The following PTK2B variants were observed in gnomAD, a reference collection of about 807,000 sequenced individuals.
The protein encoded by PTK2B is protein-tyrosine kinase 2-beta.
A neutral mutation model predicts 142.9 loss-of-function variants in PTK2B; 71 were observed. The observed-to-expected ratio is 0.50, with a 90% confidence interval of 0.41 to 0.61. PTK2B has a LOEUF of 0.61. PTK2B is among the 20% of genes least tolerant of loss of function. The probability of loss-of-function intolerance (pLI) is 0.00; values close to 1 mark genes in which losing one functional copy is unlikely to be tolerated. For synonymous variants in PTK2B, 519 were observed against 503.4 expected (o/e 1.03, Z -0.42); for missense variants, 1,105 against 1,320.4 (o/e 0.84, Z 2.53).
chr8:27,325,246 G>A (rs1803341566), upstream of PTK2B: 1 of 152,124 alleles, frequency 6.6e-6, no homozygotes, highest in Non-Finnish European at 1.5e-5. Context: ...ACACCTTTTG[G>A]CCTCCAAAAG....
chr8:27,311,210 G>T (rs765087352), upstream of PTK2B: 21 of 1,586,688 alleles, frequency 1.3e-5, no homozygotes, highest in Non-Finnish European at 1.6e-5. Context: ...GGAAGGCCCG[G>T]GGGACACGTC....
At chr8:27,456,405 G>A (rs752701079) in intron 30 of PTK2B, among the ~76,000 whole-genome samples, 1 of 152,110 alleles carries the variant, frequency 6.6e-6, no homozygotes, top group East Asian at 1.9e-4. Flanking sequence ...GGTGATCAGC[G>A]ATGTTAGTAT....
intron 2 of PTK2B, among the ~76,000 whole-genome samples, chr8:27,404,505 C>A (rs1433265929): frequency 6.6e-6 from 1 of 152,174 alleles, no homozygotes; most frequent in Non-Finnish European, 1.5e-5. Flanking sequence ...CCCTCCCCAC[C>A]CAGTCTGGAT....
intron 1 of PTK2B, among the ~76,000 whole-genome samples, chr8:27,353,767 T>C (rs1805238485): frequency 6.6e-6 from 1 of 152,330 alleles, no homozygotes. Flanking sequence ...ATCAGTCACT[T>C]AGACCTGACT....
chr8:27,458,521 G>A lies in PTK2B; in HGVS notation c.*12G>A, dbSNP rs897950375. 2.6e-6 allele frequency: 4 copies of A among 1,555,602 alleles called. No individual in the cohort carries two copies. Among genetic ancestry groups the A allele is most frequent in the Admixed American group, 3.9e-5 (2 of 51,662 alleles). ...CACCTGCAGAGTGACGGAGGGTGGGGGCCACCTGCCTGCGTCTTCCGCCCC... is the reference window on the plus strand; with the variant it reads ...CACCTGCAGAGTGACGGAGGGTGGGAGCCACCTGCCTGCGTCTTCCGCCCC... On this transcript the variant is annotated 3_prime_UTR_variant, in exon 31 of 31. Coordinates refer to ENST00000346049, the MANE Select transcript of PTK2B (RefSeq NM_173176.3).
At chr8:27,338,593 G>A (rs992252127) in intron 1 of PTK2B, among the ~76,000 whole-genome samples, 1 of 152,200 alleles carries the variant, frequency 6.6e-6, no homozygotes, top group Non-Finnish European at 1.5e-5. Context: ...CTATATTATA[G>A]TATGGTGGTT....
intron 3 of PTK2B, among the ~76,000 whole-genome samples, chr8:27,316,166 C>T (rs887019682): frequency 5.3e-5 from 8 of 152,212 alleles, no homozygotes; most frequent in African/African-American, 1.9e-4. Context: ...CTCCCAAATG[C>T]CCTGCCAAGC....
At chr8:27,366,834 G>A (rs1483509541) in intron 1 of PTK2B, among the ~76,000 whole-genome samples, 2 of 152,128 alleles carry the variant, frequency 1.3e-5, no homozygotes. Context: ...GGGCAATGCT[G>A]GGCTGGGGCA....
chr8:27,437,383 C>T lies in PTK2B; in HGVS notation c.1427-13C>T, dbSNP rs1410555406. On this transcript the variant is annotated splice_polypyrimidine_tract_variant and intron_variant, in intron 16 of 30. Transcript: ENST00000346049. ...GCCGCTCCACCTGTCCCTCTTGCCC[C>T]ACCACACTGCAGTGATCATGAAGAA... 1.9e-6 allele frequency: 3 copies of T among 1,604,896 alleles called. No individual in the cohort carries two copies. In the African/African-American group the frequency reaches 4.0e-5, roughly 22 times the overall value.
Position 27,330,136 on chromosome 8 carries a change from A to G in PTK2B, c.-38+4455A>G, listed in dbSNP as rs73565938. Among the ~76,000 whole-genome samples the G allele has an allele frequency of 2.3e-3, 343 of 152,290 alleles. 1 individual carries two copies. The highest frequency in any genetic ancestry group is 8.0e-3 in the African/African-American group (331 of 41,550). ...GAGGATGGACTGTTTCGATATTTCA[A>G]CAACCCAGATGCACCCGCTTAATAA... On this transcript the variant is annotated intron_variant, in intron 1 of 30. Coordinates refer to ENST00000346049, the MANE Select transcript of PTK2B (RefSeq NM_173176.3).
chr8:27,373,690 AT>A (rs35223125), intron 1 of PTK2B, among the ~76,000 whole-genome samples: 1 of 151,776 alleles, frequency 6.6e-6, no homozygotes, highest in African/African-American at 2.4e-5. Context: ...TCTAAAATAA[AT>A]TTTTTTTAAA....
chr8:27,435,625 C>A, intron 13 of PTK2B, 118 bp from the exon 14 acceptor site: 3 of 1,255,926 alleles, frequency 2.4e-6, no homozygotes, highest in Middle Eastern at 2.4e-4. Flanking sequence ...ACATGCCTGG[C>A]TTCTCCTCCT....
rs1277865205 is a variant in PTK2B, at chr8:27,314,453, G to A, written c.-414+1166G>A. ...ACAACGGGCGCGTGTGGTGGTGTGC[G>A]CCTATAGCCTGAGGCAGGAAAATAG... On this transcript the variant is annotated intron_variant, in intron 3 of 35. Transcript: ENST00000397501. Among the ~76,000 whole-genome samples, 8 of 152,326 alleles carry A rather than the reference G, an allele frequency of 5.3e-5. No homozygotes were observed. The East Asian group carries it at 1.4e-3, about 26-fold the overall frequency.
At chr8:27,440,085 C>A in intron 20 of PTK2B, 152 bp from the exon 21 acceptor site, 1 of 759,506 alleles carries the variant, frequency 1.3e-6, no homozygotes, top group Non-Finnish European at 2.1e-6. Flanking sequence ...TCGGGCAGAC[C>A]ACCATGGTAG....
intron 1 of PTK2B, among the ~76,000 whole-genome samples, chr8:27,343,915 A>G (rs1804561393): frequency 6.6e-6 from 1 of 152,154 alleles, no homozygotes; most frequent in Non-Finnish European, 1.5e-5. Flanking sequence ...AGGCAGGAGA[A>G]TGGTGTGAAC....
At chr8:27,368,379 C>G (rs887187237) in intron 1 of PTK2B, among the ~76,000 whole-genome samples, 1 of 152,120 alleles carries the variant, frequency 6.6e-6, no homozygotes, top group Non-Finnish European at 1.5e-5. Context: ...CCCCTCACCC[C>G]CTACCCCGCC....
In PTK2B at chr8:27,432,706, G is replaced by GT. The variant is rs573298220; in HGVS notation, c.987+352dup. Among the ~76,000 whole-genome samples, 15 of 152,100 alleles carry GT rather than the reference G, an allele frequency of 9.9e-5. 1 individual carries two copies. The South Asian group carries it at 2.7e-3, about 27-fold the overall frequency. ...GGACATCAAGACCTCAAAAACATGGGTTTTTTTGTTTGTTTGTTTGTTTGT... is the reference window on the plus strand; with the variant it reads ...GGACATCAAGACCTCAAAAACATGGGTTTTTTTTGTTTGTTTGTTTGTTTGT... On this transcript the variant is annotated intron_variant, in intron 10 of 30. Transcript: ENST00000346049.
At chr8:27,393,908 C>T (rs1807881378) in intron 1 of PTK2B, among the ~76,000 whole-genome samples, 2 of 152,090 alleles carry the variant, frequency 1.3e-5, no homozygotes, top group South Asian at 4.1e-4. Context: ...TATCCTGAAG[C>T]TGGGACCTGC....
chr8:27,434,903 G>A (rs1810679651), intron 13 of PTK2B, among the ~76,000 whole-genome samples: 1 of 152,100 alleles, frequency 6.6e-6, no homozygotes. Context: ...GGGAGGCTGA[G>A]GCAGGAAAAT....
Sources: gnomAD v4.1 joint callset for allele counts (sites outside exome capture counted in the v4.1 genomes callset) on GRCh38, gnomAD v4.1.1 for gene constraint, MANE v1.5 for transcripts, NCBI Gene and HGNC (gene_info 2026-07-23, HGNC 2026-07-21) for gene names.